SYNE2: variants seen among roughly 807,000 people sequenced by gnomAD.
SYNE2 encodes the protein spectrin repeat containing nuclear envelope protein 2, also known as nesprin-2.
In SYNE2, 431 loss-of-function variants were observed where a neutral mutation model predicts 856.3. The ratio of observed to expected loss-of-function variants is 0.50; its 90% confidence interval spans 0.47 to 0.55. The LOEUF (loss-of-function observed/expected upper bound fraction) is 0.55, where lower values mean the gene tolerates loss of function less well. Among genes scored for constraint, SYNE2 ranks in the 20% least tolerant of loss-of-function variants. The pLI, the probability that SYNE2 is intolerant of heterozygous loss-of-function variation, is 0.00. For missense variants in SYNE2, 8,129 were observed against 8,023.2 expected, an observed-to-expected ratio of 1.01 and a Z score of -0.50; for synonymous variants, 2,923 against 2,872.3, an observed-to-expected ratio of 1.02 and a Z score of -0.56.
In SYNE2 at chr14:64,208,310, A is replaced by G. The variant is rs1181059384; in HGVS notation, c.18202-448A>G. ...TTGGTGTGTGTTTGAAGAGTTCGGT[A>G]GCTGATAAAAGATTGAGAGTTCCTG... On this transcript the variant is annotated intron_variant, in intron 100 of 115. Transcript: ENST00000555002. The G allele has an allele frequency of 1.6e-5, 6 of 371,622 alleles. No individual in the cohort carries two copies. In the East Asian group the frequency reaches 4.3e-4, roughly 27 times the overall value. 23.0% of individuals were successfully genotyped at this position (371,622 alleles called of 1,614,324 possible). A position where few individuals can be genotyped will look rare whatever the true frequency, so the allele number is the denominator to read the frequency against.
intron 66 of SYNE2, among the ~76,000 whole-genome samples, chr14:64,118,042 C>T (rs1455044009): frequency 1.3e-5 from 2 of 152,128 alleles, no homozygotes; most frequent in East Asian, 3.9e-4. Flanking sequence ...GATAAAGGGG[C>T]CTGTTACAGC....
At chr14:63,911,891 G>T (rs779705814) in intron 2 of SYNE2, among the ~76,000 whole-genome samples, 1 of 152,150 alleles carries the variant, frequency 6.6e-6, no homozygotes, top group African/African-American at 2.4e-5. Context: ...TTGAATTATC[G>T]TAGGTTATAC....
chr14:64,052,547 G>A lies in SYNE2; in HGVS notation c.8634G>A (p.Glu2878=). 3 of 1,614,052 alleles carry A rather than the reference G, an allele frequency of 1.9e-6. No homozygotes were observed. Among genetic ancestry groups the A allele is most frequent in the Non-Finnish European group, 2.5e-6 (3 of 1,180,032 alleles). Residue 2878 remains glutamate, a synonymous_variant, in exon 48 of 116, where the codon GAG becomes GAA. Transcript: ENST00000555002. ...TAAAACATCACCATGTTACTTTGGA[G>A]GCATCTCAGAAGGAATTGCAAGAAA... ...AELKHHHVTL[E]ASQKELQEID... is the part of the protein sequence containing the mutation.
intron 10 of SYNE2, among the ~76,000 whole-genome samples, chr14:63,965,622 A>G (rs1211502835): frequency 6.6e-6 from 1 of 152,342 alleles, no homozygotes; most frequent in Non-Finnish European, 1.5e-5. Flanking sequence ...AGATACTGTC[A>G]GGTACCCCAC....
At chr14:64,053,945 G>A (rs185782836) in intron 48 of SYNE2, among the ~76,000 whole-genome samples, 2,001 of 152,176 alleles carry the variant, frequency 0.013, 24 homozygotes, top group Non-Finnish European at 0.022. Flanking sequence ...CTCCAGCCTG[G>A]GTGACCAAGT....
intron 51 of SYNE2, among the ~76,000 whole-genome samples, chr14:64,066,848 TGATA>T (rs958557959): frequency 1.3e-5 from 2 of 152,282 alleles, no homozygotes; most frequent in African/African-American, 4.8e-5. Context: ...ACTGAAGCAC[TGATA>T]GATTGAGTAG....
In SYNE2 at chr14:64,144,612, GAAAA is replaced by G. The variant is rs1321924648; in HGVS notation, c.15483+669_15483+672del. Among the ~76,000 whole-genome samples, 3 of 151,780 alleles carry G rather than the reference GAAAA, an allele frequency of 2.0e-5. No homozygotes were observed. The East Asian group carries it at 5.8e-4, about 29-fold the overall frequency. ...CTGTGTAACATAATGCACTTAATTA[GAAAA>G]AAAATTAATCAGATAAGGACAAAAA... On this transcript the variant is annotated intron_variant, in intron 83 of 115. Coordinates refer to ENST00000555002, the MANE Select transcript of SYNE2 (RefSeq NM_182914.3).
At chr14:64,101,896 C>A in intron 63 of SYNE2, 36 bp from the exon 64 acceptor site, 3 of 1,472,364 alleles carry the variant, frequency 2.0e-6, no homozygotes, top group Non-Finnish European at 1.9e-6. Context: ...GTAAGGGAAG[C>A]TCTTCCCTTT....
At chr14:64,150,291 C>CA (rs773488742) in intron 84 of SYNE2, among the ~76,000 whole-genome samples, 1,253 of 35,560 alleles carry the variant, frequency 0.035, 121 homozygotes, top group Non-Finnish European at 0.054. Flanking sequence ...GATTCTCTCT[C>CA]AAAAAAAAAA....
Position 64,219,211 on chromosome 14 carries a change from C to G in SYNE2, c.19661C>G (p.Ala6554Gly). Residue 6554 changes from alanine to glycine, a missense_variant, in exon 110 of 116, where the codon GCC becomes GGC. Physicochemically the swap from Ala to Gly is moderately conservative, Grantham distance 60. Transcript: ENST00000555002. ...LAGITEQQSG[A>G]FDRWEMIQAQ... ...ATTGGCGATTTTTTAATTCCAGGTG[C>G]CTTCGACAGATGGGAGATGATTCAA... 3.7e-6 allele frequency: 6 copies of G among 1,609,062 alleles called. No individual in the cohort carries two copies. Among genetic ancestry groups the G allele is most frequent in the Non-Finnish European group, 5.1e-6 (6 of 1,178,496 alleles).
At chr14:63,880,850 A>T (rs1263588431) in intron 1 of SYNE2, among the ~76,000 whole-genome samples, 248 of 137,960 alleles carry the variant, frequency 1.8e-3, no homozygotes, top group African/African-American at 5.7e-3. Context: ...TTTAAAAAAA[A>T]TTTTTTTTTT....
intron 1 of SYNE2, among the ~76,000 whole-genome samples, chr14:63,782,630 C>A (rs1887361636): frequency 6.6e-6 from 1 of 151,694 alleles, no homozygotes; most frequent in Non-Finnish European, 1.5e-5. Context: ...ACTCTGTGAG[C>A]CCGTATTGAT....
chr14:63,871,603 CA>C (rs1433964529), intron 1 of SYNE2, among the ~76,000 whole-genome samples: 1 of 88,328 alleles, frequency 1.1e-5, no homozygotes, highest in Non-Finnish European at 2.6e-5. Context: ...AAAGAGATGT[CA>C]TTTTTTTTTT....
chr14:63,953,039 C>G (rs138724388), intron 7 of SYNE2, among the ~76,000 whole-genome samples: 5 of 152,216 alleles, frequency 3.3e-5, no homozygotes, highest in African/African-American at 1.2e-4. Context: ...GTGTCTTAAG[C>G]CCTGGTGATA....
At chr14:64,211,834 C>T (rs1418899705) in intron 103 of SYNE2, 127 bp from the exon 104 acceptor site, 2 of 1,393,028 alleles carry the variant, frequency 1.4e-6, no homozygotes, top group African/African-American at 2.8e-5. Context: ...TTTCTGGGTA[C>T]CCTAGAGGCA....
rs185922474 is a variant in SYNE2, at chr14:64,222,789, C to T, written c.20191-400C>T. On this transcript the variant is annotated intron_variant, in intron 112 of 115. Transcript: ENST00000555002. ...GCCATATTGCAAGCAAGATAACCAC[C>T]CTTAACAATTAAAGCCCGTTTGCCT... 8.6e-4 allele frequency among the ~76,000 whole-genome samples: 131 copies of T among 152,092 alleles called. 1 individual carries two copies. Among genetic ancestry groups the T allele is most frequent in the African/African-American group, 2.7e-3 (110 of 41,506 alleles).
intron 1 of SYNE2, among the ~76,000 whole-genome samples, chr14:63,858,615 G>C (rs1407484159): frequency 6.6e-6 from 1 of 151,940 alleles, no homozygotes; most frequent in Non-Finnish European, 1.5e-5. Context: ...CCACTCCTGC[G>C]ATGATGGCAT....
In SYNE2 at chr14:64,225,435, C is replaced by G; in HGVS notation, c.20633C>G (p.Ser6878Cys). ...LLLLACLLPS[S>C]EEDYSCTQAN... The stretch of plus-strand genomic sequence containing the variant: ...CTCCTGGCCTGCCTGCTGCCCTCCT[C>G]CGAAGAAGACTACAGCTGCACTCAG... The change falls in exon 116 of 116, where the codon TCC (serine) becomes TGC (cysteine). Residue 6878 changes from serine to cysteine, a missense_variant. Ser to Cys is a moderately radical substitution (Grantham distance 112, BLOSUM62 -1). This residue lies in a region of SYNE2 where 5,410 missense variants were observed against 5,284.8 expected (regional missense o/e 1.02). Coordinates refer to ENST00000555002, the MANE Select transcript of SYNE2 (RefSeq NM_182914.3). 6.2e-7 allele frequency: 1 copy of G among 1,614,182 alleles called. No homozygotes were observed. Among genetic ancestry groups the G allele is most frequent in the South Asian group, 1.1e-5 (1 of 91,086 alleles).
intron 8 of SYNE2, 55 bp from the exon 9 acceptor site, chr14:63,961,470 G>A: frequency 7.0e-7 from 1 of 1,432,724 alleles, no homozygotes; most frequent in East Asian, 2.3e-5. Context: ...CCATTCTTGA[G>A]TATTCATTAT....
Sources: gnomAD v4.1 joint callset for allele counts (sites outside exome capture counted in the v4.1 genomes callset) on GRCh38, gnomAD v4.1.1 for gene constraint, gnomAD v4.1.1 regional missense constraint, MANE v1.5 for transcripts, NCBI Gene and HGNC (gene_info 2026-07-23, HGNC 2026-07-21) for gene names.